The following HDC variants were observed in gnomAD, a reference collection of about 807,000 sequenced individuals.
The protein encoded by HDC is histidine decarboxylase.
In HDC, 27 loss-of-function variants were observed where a neutral mutation model predicts 64.4. The ratio of observed to expected loss-of-function variants is 0.42; its 90% CI spans 0.31 to 0.58. The LOEUF (loss-of-function observed/expected upper bound fraction) is 0.58, where lower values mean the gene tolerates loss of function less well. HDC is among the 20% of genes least tolerant of loss of function. The pLI is 0.16. For synonymous variants in HDC, 305 were observed against 314.2 expected (o/e 0.97, Z 0.31); for missense variants, 711 against 833.9 (o/e 0.85, Z 1.81).
rs543430302 is a variant in HDC, at chr15:50,242,091, G to A, written c.*169C>T. 2.4e-3 allele frequency: 1,677 copies of A among 685,002 alleles called. 1 individual carries two copies. Among genetic ancestry groups the A allele is most frequent in the Middle Eastern group, 4.1e-3 (10 of 2,458 alleles). The allele number at this position is 685,002 out of a possible 1,614,324, so 42.4% of individuals were successfully genotyped here. On this transcript the variant is annotated 3_prime_UTR_variant, in exon 12 of 12. Transcript: ENST00000267845. ...TGGATCATGCTGGCTTAAACTCTTCGTTTGTATCCTATTGTGGGTCATGAA... is the reference window on the plus strand; with the variant it reads ...TGGATCATGCTGGCTTAAACTCTTCATTTGTATCCTATTGTGGGTCATGAA...
intron 4 of HDC, among the ~76,000 whole-genome samples, chr15:50,255,977 C>G (rs1420158490): frequency 4.6e-5 from 7 of 152,192 alleles, no homozygotes; most frequent in African/African-American, 1.4e-4. Context: ...CTCAAGTTCA[C>G]ATGGCTGACG....
chr15:50,261,743 C>G (rs2045705758), intron 2 of HDC, among the ~76,000 whole-genome samples: 1 of 144,652 alleles, frequency 6.9e-6, no homozygotes, highest in Admixed American at 7.1e-5. Context: ...GAGTTTCGCT[C>G]TTGTTGCCCA....
At chr15:50,259,024 G>T (rs765201664) in intron 2 of HDC, among the ~76,000 whole-genome samples, 2 of 152,018 alleles carry the variant, frequency 1.3e-5, no homozygotes, top group South Asian at 2.1e-4. Flanking sequence ...TAGCCAGGCG[G>T]GGTGGCAGAA....
chr15:50,242,603 A>G lies in HDC; in HGVS notation c.1646T>C (p.Val549Ala). ...GLHLETLLDP[V>A]DDCFSEEAPD... Reference sequence around the variant, plus strand: ...GGCCTCTTCTGAAAAGCAGTCATCAACTGGGTCCAGCAGGGTTTCAAGATG... The same window carrying G: ...GGCCTCTTCTGAAAAGCAGTCATCAGCTGGGTCCAGCAGGGTTTCAAGATG... The change falls in exon 12 of 12, where the codon GTT becomes GCT. Residue 549 changes from valine (V) to alanine (A), a missense_variant. By Grantham distance (64) the Val-to-Ala change is moderately conservative. Coordinates refer to ENST00000267845, the MANE Select transcript of HDC (RefSeq NM_002112.4). The G allele has an allele frequency of 6.2e-7, 1 of 1,614,202 alleles. No individual in the cohort carries two copies.
chr15:50,263,186 C>T, intron 2 of HDC, 49 bp downstream of exon 2: 1 of 1,592,424 alleles, frequency 6.3e-7, no homozygotes, highest in Non-Finnish European at 8.6e-7. Context: ...ACCACCCACC[C>T]TTCTGTGCCC....
In HDC at chr15:50,258,409, T is replaced by A; in HGVS notation, c.313A>T (p.Thr105Ser). The A allele has an allele frequency of 1.2e-6, 2 of 1,600,404 alleles. No homozygotes were observed. Among genetic ancestry groups the A allele is most frequent in the Middle Eastern group, 1.7e-4 (1 of 6,042 alleles). The part of the protein sequence containing the change: ...LADAINCLGF[T>S]WASSPACTEL... ...TTACAGCCGTTGCTACTCACCCAGG[T>A]GAATCCCAAGCAGTTGATGGCATCA... is the stretch of plus-strand genomic sequence containing the variant. Residue 105 changes from threonine (T) to serine (S), a missense_variant, in exon 3 of 12, where the codon ACC (threonine) becomes TCC (serine). Thr to Ser is a moderately conservative substitution (Grantham distance 58). Around this residue, in one of 3 missense-constraint regions of HDC, gnomAD observed 225 missense variants for 276.2 expected, o/e 0.81. Transcript: ENST00000267845.
At chr15:50,258,377 C>G (rs377022175) in intron 3 of HDC, 27 bp downstream of exon 3, 3 of 1,304,922 alleles carry the variant, frequency 2.3e-6, no homozygotes, top group South Asian at 1.2e-5. Flanking sequence ...TTCCCCATTG[C>G]GAGTAGTTAC....
intron 10 of HDC, among the ~76,000 whole-genome samples, chr15:50,246,261 CAAT>C (rs2045481041): frequency 6.6e-6 from 1 of 152,192 alleles, no homozygotes; most frequent in Admixed American, 6.5e-5. Context: ...ACGCAAGTGT[CAAT>C]AATTATCATC....
chr15:50,263,335 T>C lies in HDC; in HGVS notation c.104A>G (p.Gln35Arg). 2 of 1,614,014 alleles carry C rather than the reference T, an allele frequency of 1.2e-6. No homozygotes were observed. Among genetic ancestry groups the C allele is most frequent in the Non-Finnish European group, 1.7e-6 (2 of 1,179,878 alleles). ...VRERRVTPDV[Q>R]PGYLRAQLPE... is the part of the protein sequence containing the mutation. ...CAGCTGGGCTCGCAGGTAGCCAGGC[T>C]GCACGTCTGGCGTCACACGTCTCTC... Residue 35 changes from glutamine (Q) to arginine (R), a missense_variant, in exon 2 of 12, where the codon CAG becomes CGG. Gln to Arg is a conservative substitution (Grantham distance 43). Around this residue, in one of 3 missense-constraint regions of HDC, gnomAD observed 225 missense variants for 276.2 expected, o/e 0.81. Coordinates refer to ENST00000267845, the MANE Select transcript of HDC (RefSeq NM_002112.4).
At chr15:50,253,412 C>A in intron 7 of HDC, 188 bp downstream of exon 7, 2 of 672,070 alleles carry the variant, frequency 3.0e-6, no homozygotes, top group Non-Finnish European at 2.7e-6. Flanking sequence ...CTTGTCACAC[C>A]ACTGGGAAAG....
Position 50,242,889 on chromosome 15 carries a change from A to T in HDC, c.1360T>A (p.Phe454Ile). ...CTCAGGATGTCATCCCTAGTGGTAA[A>T]CTGGGATGTCACAGTGAAACGGATG... ...LIIRFTVTSQ[F>I]TTRDDILRDW... Residue 454 changes from phenylalanine (F) to isoleucine (I), a missense_variant, in exon 12 of 12, where the codon TTT becomes ATT. This residue lies in a region of HDC where 483 missense variants were observed against 540.9 expected (regional missense o/e 0.89). Coordinates refer to ENST00000267845, the MANE Select transcript of HDC (RefSeq NM_002112.4). The T allele has an allele frequency of 6.2e-7, 1 of 1,614,040 alleles. No individual in the cohort carries two copies.
At chr15:50,251,293 G>C (rs909499163) in intron 9 of HDC, among the ~76,000 whole-genome samples, 2 of 152,204 alleles carry the variant, frequency 1.3e-5, no homozygotes, top group Non-Finnish European at 2.9e-5. Flanking sequence ...CTTCAAAGAA[G>C]AGCTTTCAGA....
At chr15:50,254,096 A>G (rs756934758) in intron 6 of HDC, 34 bp downstream of exon 6, 1 of 1,613,036 alleles carries the variant, frequency 6.2e-7, no homozygotes, top group Non-Finnish European at 8.5e-7. Context: ...TCCAAGTTCT[A>G]TCATTCTAAG....
At chr15:50,260,464 T>C (rs925600478) in intron 2 of HDC, among the ~76,000 whole-genome samples, 6 of 152,146 alleles carry the variant, frequency 3.9e-5, no homozygotes, top group Non-Finnish European at 7.3e-5. Flanking sequence ...GTTGTGTGGG[T>C]GGAGGCGTGG....
chr15:50,254,764 C>CTCTT (rs2045608223), intron 4 of HDC, 100 bp from the exon 5 acceptor site: 1 of 1,066,454 alleles, frequency 9.4e-7, no homozygotes, highest in Non-Finnish European at 1.4e-6. Context: ...CTCTCTCTCT[C>CTCTT]TCTCTCTCTC....
Position 50,242,179 on chromosome 15 carries a change from C to T in HDC, c.*81G>A, listed in dbSNP as rs182805767. The T allele has an allele frequency of 1.1e-5, 13 of 1,169,770 alleles. No homozygotes were observed. The East Asian group carries it at 2.8e-4, about 25-fold the overall frequency. The allele number at this position is 1,169,770 out of a possible 1,614,324, so 72.5% of individuals were successfully genotyped here. On this transcript the variant is annotated 3_prime_UTR_variant, in exon 12 of 12. Transcript: ENST00000267845. ...CAAGAAAAATGCATGTACACATAAGCACACAAAGTTGGCATACAATTGTGA... is the reference window on the plus strand; with the variant it reads ...CAAGAAAAATGCATGTACACATAAGTACACAAAGTTGGCATACAATTGTGA...
chr15:50,256,899 A>C (rs117554206), intron 4 of HDC, among the ~76,000 whole-genome samples: 2,813 of 152,342 alleles, frequency 0.018, 40 homozygotes, highest in Middle Eastern at 0.034. Flanking sequence ...TGTGTGGTCC[A>C]TGGGAGGCAC....
At chr15:50,243,398 T>A (rs994076827) in intron 10 of HDC, among the ~76,000 whole-genome samples, 154 bp from the exon 11 acceptor site, 1 of 152,264 alleles carries the variant, frequency 6.6e-6, no homozygotes, top group Non-Finnish European at 1.5e-5. Flanking sequence ...CATTTGATTT[T>A]GCTCATATTC....
In HDC at chr15:50,248,438, C is replaced by T; in HGVS notation, c.1042-95G>A. 6.1e-6 allele frequency: 5 copies of T among 821,010 alleles called. No individual in the cohort carries two copies. The highest frequency in any genetic ancestry group is 1.4e-5 in the South Asian group (1 of 71,044). 50.9% of individuals were successfully genotyped at this position (821,010 alleles called of 1,614,324 possible). ...CATTATCTGTTGCCTGCCCAGCCCTCCAGGGATGGACGATGTCACCATGAC... is the reference window on the plus strand; with the variant it reads ...CATTATCTGTTGCCTGCCCAGCCCTTCAGGGATGGACGATGTCACCATGAC... On this transcript the variant is annotated intron_variant, in intron 9 of 11. Coordinates refer to ENST00000267845, the MANE Select transcript of HDC (RefSeq NM_002112.4). This position sits in a 1 kb window ranked among gnomAD's most constrained non-coding sequence, Gnocchi z 4.3.
Sources: gnomAD v4.1 joint callset for allele counts (sites outside exome capture counted in the v4.1 genomes callset) on GRCh38, gnomAD v4.1.1 for gene constraint, gnomAD v4.1.1 regional missense constraint, Gnocchi (gnomAD v3.1) non-coding constraint, MANE v1.5 for transcripts, NCBI Gene and HGNC (gene_info 2026-07-23, HGNC 2026-07-21) for gene names.